EPM2A: variants seen among roughly 807,000 people sequenced by gnomAD.
EPM2A encodes EPM2A glucan phosphatase, laforin.
A neutral mutation model predicts 26.5 loss-of-function variants in EPM2A; 21 were observed. The ratio of observed to expected loss-of-function variants is 0.79; its 90% CI spans 0.56 to 1.14. The LOEUF (loss-of-function observed/expected upper bound fraction) is 1.14, where lower values mean the gene tolerates loss of function less well. EPM2A is among the 50% of genes most tolerant of loss of function. The pLI is 0.00. For synonymous variants in EPM2A, 217 were observed against 177.6 expected (o/e 1.22, Z -1.76); for missense variants, 458 against 440.8 (o/e 1.04, Z -0.35).
chr6:145,470,654 A>C (rs1177935303), intron 4 of EPM2A, among the ~76,000 whole-genome samples: 2 of 152,166 alleles, frequency 1.3e-5, no homozygotes, highest in African/African-American at 4.8e-5. Context: ...CATTCCTTAG[A>C]AGTGAAATTT....
At chr6:145,583,501 G>GC (rs572243520) in intron 2 of EPM2A, among the ~76,000 whole-genome samples, 113 of 152,250 alleles carry the variant, frequency 7.4e-4, no homozygotes, top group African/African-American at 2.6e-3. Context: ...TTTGTTCTCT[G>GC]CCCCCTCGAG....
At chr6:145,517,985 G>T (rs138490829) in intron 2 of EPM2A, among the ~76,000 whole-genome samples, 2 of 152,150 alleles carry the variant, frequency 1.3e-5, no homozygotes, top group African/African-American at 4.8e-5. Context: ...CTAAGGCCAC[G>T]CCAATTGATA....
chr6:145,532,058 C>G (rs1239293043), intron 2 of EPM2A, among the ~76,000 whole-genome samples: 2 of 152,132 alleles, frequency 1.3e-5, no homozygotes, highest in African/African-American at 4.8e-5. Context: ...ACAGGTCACT[C>G]TTTGACTGGA....
chr6:145,625,552 T>G lies in EPM2A; in HGVS notation c.*1864A>C. The G allele has an allele frequency of 1.6e-6, 1 of 623,712 alleles. No individual in the cohort carries two copies. The highest frequency in any genetic ancestry group is 2.9e-6 in the Non-Finnish European group (1 of 343,606). The allele number at this position is 623,712 out of a possible 1,614,324, so 38.6% of individuals were successfully genotyped here. Reference sequence around the variant, plus strand: ...TCACAGACCCACATAGTTTAAAAATTTAATTTTTAAGATTAAATTTTCACA... The same window carrying G: ...TCACAGACCCACATAGTTTAAAAATGTAATTTTTAAGATTAAATTTTCACA... On this transcript the variant is annotated 3_prime_UTR_variant, in exon 4 of 4. Coordinates refer to ENST00000367519, the MANE Select transcript of EPM2A (RefSeq NM_005670.4).
rs1346635072 is a variant in EPM2A at position 145,416,216 on chromosome 6, C to T, written c.556-32119G>A. ...GCATGAGTTTAGGATACAATATTCC[C>T]AGTGAAGGCTATGCATCTTTTTCAA... On this transcript the variant is annotated intron_variant, in intron 4 of 4. Transcript: ENST00000638717. Among the ~76,000 whole-genome samples the T allele has an allele frequency of 2.0e-5, 3 of 150,172 alleles. No homozygotes were observed. The East Asian group carries it at 5.9e-4, about 30-fold the overall frequency.
chr6:145,712,223 A>G (rs1426372833), intron 1 of EPM2A, among the ~76,000 whole-genome samples: 1 of 152,158 alleles, frequency 6.6e-6, no homozygotes, highest in Non-Finnish European at 1.5e-5. Context: ...CAGACCATCC[A>G]CATCAATTTA....
intron 4 of EPM2A, among the ~76,000 whole-genome samples, chr6:145,396,827 C>A (rs181456271): frequency 8.5e-4 from 130 of 152,288 alleles, no homozygotes; most frequent in African/African-American, 2.9e-3. Context: ...CAAGTCACAG[C>A]TATGGTGGTG....
At chr6:145,660,475 A>G (rs1778608298) in intron 2 of EPM2A, among the ~76,000 whole-genome samples, 1 of 152,184 alleles carries the variant, frequency 6.6e-6, no homozygotes, top group East Asian at 1.9e-4. Flanking sequence ...TTTTACTCCA[A>G]TATCTAACTC....
intron 2 of EPM2A, among the ~76,000 whole-genome samples, chr6:145,563,757 C>G (rs1172649063): frequency 6.6e-6 from 1 of 152,132 alleles, no homozygotes; most frequent in African/African-American, 2.4e-5. Context: ...TTTTGGAATT[C>G]TGCAAAACTT....
intron 2 of EPM2A, chr6:145,680,060 T>A (rs1486838018): frequency 3.3e-5 from 5 of 152,082 alleles, no homozygotes; most frequent in Non-Finnish European, 7.3e-5. Context: ...AGTAGTAATA[T>A]AATCATATTA....
intron 2 of EPM2A, among the ~76,000 whole-genome samples, chr6:145,564,865 G>A (rs1780861679): frequency 6.6e-6 from 1 of 152,042 alleles, no homozygotes; most frequent in African/African-American, 2.4e-5. Flanking sequence ...CATTCAGCTG[G>A]AAGGGGATCT....
At chr6:145,442,224 T>C (rs1779073109) in intron 4 of EPM2A, among the ~76,000 whole-genome samples, 4 of 152,308 alleles carry the variant, frequency 2.6e-5, no homozygotes, top group Admixed American at 1.3e-4. Flanking sequence ...CTCTCTAAAC[T>C]GTTCCAACCT....
At chr6:145,573,218 T>C (rs1394819126) in intron 2 of EPM2A, among the ~76,000 whole-genome samples, 4 of 152,226 alleles carry the variant, frequency 2.6e-5, no homozygotes, top group Non-Finnish European at 4.4e-5. Flanking sequence ...AAACTCTCTC[T>C]GAATAAGATT....
At chr6:145,539,433 T>G (rs1780477528) in intron 2 of EPM2A, among the ~76,000 whole-genome samples, 1 of 152,160 alleles carries the variant, frequency 6.6e-6, no homozygotes, top group African/African-American at 2.4e-5. Flanking sequence ...CTAGCTGTAG[T>G]AGAAGCTATG....
intron 4 of EPM2A, among the ~76,000 whole-genome samples, chr6:145,388,892 T>A (rs1318869792): frequency 1.3e-5 from 2 of 152,262 alleles, no homozygotes; most frequent in Middle Eastern, 6.8e-3. Context: ...ATGTGCCACA[T>A]TTTCTTTATC....
chr6:145,580,533 T>C (rs1733200410), intron 2 of EPM2A, among the ~76,000 whole-genome samples: 1 of 152,164 alleles, frequency 6.6e-6, no homozygotes, highest in African/African-American at 2.4e-5. Flanking sequence ...TTTTAACTTT[T>C]ATATTTCAAG....
intron 2 of EPM2A, chr6:145,639,608 A>G (rs1776939878): frequency 6.6e-6 from 1 of 152,204 alleles, no homozygotes; most frequent in South Asian, 2.1e-4. Context: ...AGTAAAAAAT[A>G]TGGAGATGAG....
chr6:145,520,321 T>C (rs2114772977), intron 2 of EPM2A, among the ~76,000 whole-genome samples: 1 of 152,316 alleles, frequency 6.6e-6, no homozygotes, highest in East Asian at 1.9e-4. Flanking sequence ...CAACAGACAA[T>C]TTCAGCCTTC....
At chr6:145,609,439 A>C (rs1408940181) in intron 2 of EPM2A, among the ~76,000 whole-genome samples, 1 of 152,240 alleles carries the variant, frequency 6.6e-6, no homozygotes, top group Non-Finnish European at 1.5e-5. Context: ...TGGAAGGTAC[A>C]TGGGAAGATC....
Sources: gnomAD v4.1 joint callset for allele counts (sites outside exome capture counted in the v4.1 genomes callset) on GRCh38, gnomAD v4.1.1 for gene constraint, MANE v1.5 for transcripts, NCBI Gene and HGNC (gene_info 2026-07-23, HGNC 2026-07-21) for gene names.